MELK: variants seen among roughly 807,000 people sequenced by gnomAD.
MELK encodes pEg3 kinase.
A neutral mutation model predicts 85.0 loss-of-function variants in MELK; 81 were observed. The ratio of observed to expected loss-of-function variants is 0.95; its 90% CI spans 0.80 to 1.15. The LOEUF (loss-of-function observed/expected upper bound fraction) is 1.15. MELK is among the 50% of genes most tolerant of loss of function. The pLI is 0.00. For missense variants in MELK, 754 were observed against 777.5 expected (o/e 0.97, Z 0.36); for synonymous variants, 252 against 265.0 (o/e 0.95, Z 0.48).
At chr9:36,646,750 G>C (rs770213797) in intron 11 of MELK, among the ~76,000 whole-genome samples, 3 of 152,212 alleles carry the variant, frequency 2.0e-5, no homozygotes, top group Non-Finnish European at 2.9e-5. Context: ...AAGACTGAAG[G>C]CCTCAGGAGG....
chr9:36,647,478 T>TTTTC (rs529473113), intron 11 of MELK, among the ~76,000 whole-genome samples: 4 of 151,622 alleles, frequency 2.6e-5, no homozygotes, highest in Non-Finnish European at 4.4e-5. Context: ...TCTTCTTTTC[T>TTTTC]TTTCTTTCTT....
intron 17 of MELK, among the ~76,000 whole-genome samples, chr9:36,675,271 G>A (rs10120301): frequency 0.8 from 121,990 of 152,158 alleles, 50,342 homozygotes; most frequent in Non-Finnish European, 0.9. Flanking sequence ...GTAACAGAGC[G>A]AGACTCTGTC....
intron 10 of MELK, among the ~76,000 whole-genome samples, chr9:36,636,806 G>GTCTT (rs1554729060): frequency 1.2e-3 from 136 of 111,570 alleles, no homozygotes; most frequent in Middle Eastern, 4.1e-3. Context: ...CTTTCTTTCT[G>GTCTT]TCTTTCTTTC....
At chr9:36,628,449 C>CT (rs1325719171) in intron 8 of MELK, among the ~76,000 whole-genome samples, 2 of 151,586 alleles carry the variant, frequency 1.3e-5, no homozygotes, top group Non-Finnish European at 2.9e-5. Context: ...GAGACGGAAT[C>CT]TTGCTGTATT....
At chr9:36,616,265 A>G (rs1826775065) in intron 8 of MELK, among the ~76,000 whole-genome samples, 1 of 152,174 alleles carries the variant, frequency 6.6e-6, no homozygotes, top group South Asian at 2.1e-4. Flanking sequence ...GTCAGAATGT[A>G]GAACAGTCTG....
chr9:36,645,841 C>T (rs937747266), intron 11 of MELK, among the ~76,000 whole-genome samples: 7 of 152,162 alleles, frequency 4.6e-5, no homozygotes, highest in Non-Finnish European at 8.8e-5. Context: ...CCAGCAGCAG[C>T]AGCATCCAGG....
chr9:36,627,667 A>G (rs1828074834), intron 8 of MELK, among the ~76,000 whole-genome samples: 2 of 148,492 alleles, frequency 1.3e-5, no homozygotes, highest in Admixed American at 6.8e-5. Context: ...GCTGGGAATT[A>G]TAAGTGCCCG....
At chr9:36,597,104 T>A in intron 5 of MELK, 118 bp from the exon 6 acceptor site, 1 of 756,208 alleles carries the variant, frequency 1.3e-6, no homozygotes. Context: ...TTCAGAGTGC[T>A]GGGATTACAG....
At chr9:36,606,807 T>TG (rs1825607675) in intron 7 of MELK, 1 of 150,306 alleles carries the variant, frequency 6.7e-6, no homozygotes, top group Admixed American at 6.7e-5. Context: ...TATTTTTAGA[T>TG]GGAGTTTCAC....
intron 5 of MELK, among the ~76,000 whole-genome samples, chr9:36,595,851 T>G (rs1236317589): frequency 6.6e-6 from 1 of 152,298 alleles, no homozygotes; most frequent in Non-Finnish European, 1.5e-5. Context: ...AGCCTTGCTC[T>G]GTTATCCAGG....
At position 36,592,581 on chromosome 9, in the gene MELK, A is replaced by G. The variant is rs190894122; in HGVS notation, c.262-2047A>G. 3.5e-3 allele frequency among the ~76,000 whole-genome samples: 538 copies of G among 152,122 alleles called. 13 individuals are homozygous for G. The highest frequency in any genetic ancestry group is 6.8e-4 in the Non-Finnish European group (46 of 67,990). On this transcript the variant is annotated intron_variant, in intron 4 of 17. Coordinates refer to ENST00000298048, the MANE Select transcript of MELK (RefSeq NM_014791.4). ...GTGTATTTTATATGTGTGTGTGTGT[A>G]GCTTACACACACATGGTGTGACACA...
At chr9:36,621,421 G>GATAAT (rs2136235207) in intron 8 of MELK, among the ~76,000 whole-genome samples, 1 of 145,996 alleles carries the variant, frequency 6.8e-6, no homozygotes, top group South Asian at 2.2e-4. Context: ...TACCCACAAA[G>GATAAT]ATAAGTAACT....
At chr9:36,641,459 T>A (rs1206827488) in intron 10 of MELK, among the ~76,000 whole-genome samples, 5 of 152,024 alleles carry the variant, frequency 3.3e-5, no homozygotes, top group Admixed American at 6.6e-5. Flanking sequence ...TTGTACCAAT[T>A]CCCAGTGGAC....
chr9:36,596,349 G>T (rs948373240), intron 5 of MELK, among the ~76,000 whole-genome samples: 1 of 151,558 alleles, frequency 6.6e-6, no homozygotes, highest in Non-Finnish European at 1.5e-5. Context: ...TCTGCCTCCC[G>T]TGTTCACGCC....
intron 8 of MELK, among the ~76,000 whole-genome samples, chr9:36,624,274 T>A (rs1827734559): frequency 6.6e-6 from 1 of 152,070 alleles, no homozygotes; most frequent in Non-Finnish European, 1.5e-5. Context: ...ACTTCTTTTT[T>A]TAGATGAAGA....
intron 1 of MELK, among the ~76,000 whole-genome samples, chr9:36,573,846 G>A (rs780350156): frequency 3.3e-5 from 5 of 152,172 alleles, no homozygotes; most frequent in Non-Finnish European, 7.4e-5. Flanking sequence ...TCAGTAATAG[G>A]AGCAGCAGGA....
intron 7 of MELK, among the ~76,000 whole-genome samples, chr9:36,604,577 T>G (rs1825291616): frequency 6.6e-6 from 1 of 152,022 alleles, no homozygotes; most frequent in Non-Finnish European, 1.5e-5. Context: ...GGTCTCGAAC[T>G]CCTGACCTCA....
chr9:36,652,716 C>G (rs368258997), intron 12 of MELK, among the ~76,000 whole-genome samples: 4 of 103,606 alleles, frequency 3.9e-5, no homozygotes, highest in African/African-American at 1.2e-4. Flanking sequence ...GGCGACAGAG[C>G]AAGACTCTGT....
chr9:36,670,513 C>G (rs1419772623), intron 15 of MELK, among the ~76,000 whole-genome samples: 3 of 151,192 alleles, frequency 2.0e-5, no homozygotes, highest in Non-Finnish European at 4.4e-5. Flanking sequence ...GATGGCTTAG[C>G]AAATAAGTAA....
Sources: allele counts gnomAD v4.1 joint callset (sites outside exome capture counted in the v4.1 genomes callset), GRCh38; gene constraint gnomAD v4.1.1; transcripts MANE v1.5; gene names NCBI Gene and HGNC (gene_info 2026-07-23, HGNC 2026-07-21).